LARGE1: variants seen among roughly 807,000 people sequenced by gnomAD.
LARGE1 encodes the protein xylosyl- and glucuronyltransferase LARGE1.
LARGE1 carries 43 observed loss-of-function variants against 87.6 expected under a neutral mutation model. The observed-to-expected ratio is 0.49, with a 90% confidence interval of 0.38 to 0.63. The LOEUF is 0.63. Among genes scored for constraint, LARGE1 ranks in the 30% least tolerant of loss-of-function variants. The probability of loss-of-function intolerance (pLI) is 0.00; values close to 1 mark genes in which losing one functional copy is unlikely to be tolerated. For missense variants in LARGE1, 802 were observed against 1,000.2 expected (o/e 0.80, Z 2.67); for synonymous variants, 434 against 394.6 (o/e 1.10, Z -1.18).
chr22:33,858,767 T>C (rs1419188678), intron 1 of LARGE1, among the ~76,000 whole-genome samples: 2 of 152,152 alleles, frequency 1.3e-5, no homozygotes, highest in Admixed American at 6.5e-5. Flanking sequence ...GCAGCACTAT[T>C]CACAATAGCA....
chr22:33,700,150 T>C (rs1603198692), intron 2 of LARGE1, among the ~76,000 whole-genome samples: 1 of 152,102 alleles, frequency 6.6e-6, no homozygotes, highest in Non-Finnish European at 1.5e-5. Context: ...TCTCAAAGGG[T>C]TGTCCTGGGA....
At chr22:33,094,350 T>G in the LARGE1 span, among the ~76,000 whole-genome samples, 1 of 151,978 alleles carries the variant, frequency 6.6e-6, no homozygotes, top group African/African-American at 2.4e-5. Flanking sequence ...ACCAGGGCCC[T>G]GCCTCCCTTT....
At chr22:33,672,044 C>G (rs2081430771) in intron 2 of LARGE1, among the ~76,000 whole-genome samples, 1 of 152,080 alleles carries the variant, frequency 6.6e-6, no homozygotes, top group Non-Finnish European at 1.5e-5. Flanking sequence ...GCTCTATCAG[C>G]CAATTTATCA....
intron 5 of LARGE1, among the ~76,000 whole-genome samples, chr22:33,573,371 G>C (rs528604511): frequency 7.4e-4 from 112 of 152,210 alleles, no homozygotes; most frequent in African/African-American, 2.6e-3. Context: ...CCCAGGAGGT[G>C]GGGGTTGCAG....
At chr22:33,133,646 G>T in the LARGE1 span, among the ~76,000 whole-genome samples, 2 of 152,180 alleles carry the variant, frequency 1.3e-5, no homozygotes, top group African/African-American at 4.8e-5. Context: ...ACATATGTGT[G>T]CATGTGTCTT....
rs3986017 is a variant in LARGE1 at position 33,574,686 on chromosome 22, TTGTGTGTGTGTGTGTGTGTGTGTGTGTG to T, written c.616-9695_616-9668del. On this transcript the variant is annotated intron_variant, in intron 5 of 14. Transcript: ENST00000397394. ...AACGAAGGCACAGAGATATAAACAATTGTGTGTGTGTGTGTGTGTGTGTGTGTGTGTGTGTGTGTGTGTGTGTGTGTAA... is the reference window on the plus strand; with the variant it reads ...AACGAAGGCACAGAGATATAAACAATTGTGTGTGTGTGTGTGTGTGTGTAA... Among the ~76,000 whole-genome samples, 119 of 144,084 alleles carry T rather than the reference TTGTGTGTGTGTGTGTGTGTGTGTGTGTG, an allele frequency of 8.3e-4. 1 individual carries two copies. The highest frequency in any genetic ancestry group is 2.6e-3 in the African/African-American group (103 of 39,182). 94.5% of individuals were successfully genotyped at this position (144,084 alleles called of 152,430 possible). A position where few individuals can be genotyped will look rare whatever the true frequency, so the allele number is the denominator to read the frequency against.
chr22:33,542,077 C>G lies in LARGE1; in HGVS notation c.787+22771G>C, dbSNP rs563620858. Among the ~76,000 whole-genome samples, 640 of 150,788 alleles carry G rather than the reference C, an allele frequency of 4.2e-3. 4 individuals carry two copies. The highest frequency in any genetic ancestry group is 0.015 in the African/African-American group (605 of 41,102). On this transcript the variant is annotated intron_variant, in intron 6 of 14. Transcript: ENST00000397394. ...CTCAGGAGGCTGAGGCAGGAGAAACCCTTGAACCAAGGAGGTAGAGGTTGC... is the reference window on the plus strand; with the variant it reads ...CTCAGGAGGCTGAGGCAGGAGAAACGCTTGAACCAAGGAGGTAGAGGTTGC...
intron 11 of LARGE1, among the ~76,000 whole-genome samples, chr22:33,199,741 T>C (rs996997411): frequency 3.9e-5 from 6 of 152,252 alleles, no homozygotes; most frequent in East Asian, 1.9e-4. Flanking sequence ...ACCAGTACCA[T>C]GCTGTTTTAG....
chr22:33,754,767 G>A (rs1208486041), intron 2 of LARGE1, among the ~76,000 whole-genome samples: 1 of 152,118 alleles, frequency 6.6e-6, no homozygotes, highest in Non-Finnish European at 1.5e-5. Context: ...TGGACCACTG[G>A]CAGGACAGCA....
chr22:33,740,864 GA>G (rs2149515456), intron 2 of LARGE1, among the ~76,000 whole-genome samples: 1 of 152,286 alleles, frequency 6.6e-6, no homozygotes, highest in South Asian at 2.1e-4. Context: ...AGCTCTGTGT[GA>G]ATTTTCAACT....
At chr22:33,645,477 A>G (rs1446242658) in intron 3 of LARGE1, among the ~76,000 whole-genome samples, 2 of 152,228 alleles carry the variant, frequency 1.3e-5, no homozygotes, top group African/African-American at 4.8e-5. Context: ...TAAGACCTAA[A>G]ACCATAAAAA....
chr22:33,486,409 A>C (rs1375228348), intron 6 of LARGE1, among the ~76,000 whole-genome samples: 1 of 152,186 alleles, frequency 6.6e-6, no homozygotes, highest in African/African-American at 2.4e-5. Context: ...TTTCTCATTA[A>C]GTTTATCAAT....
the LARGE1 span, among the ~76,000 whole-genome samples, chr22:33,114,996 A>G: frequency 1.3e-5 from 2 of 152,150 alleles, no homozygotes; most frequent in African/African-American, 2.4e-5. Context: ...ACCTTGGTCT[A>G]TGTGAAGGGT....
intron 2 of LARGE1, among the ~76,000 whole-genome samples, chr22:33,664,739 CTA>C (rs1306815602): frequency 6.6e-6 from 1 of 152,180 alleles, no homozygotes; most frequent in Non-Finnish European, 1.5e-5. Flanking sequence ...TGGCACATGC[CTA>C]TAGTCTCAGC....
In LARGE1 at chr22:33,525,792, C is replaced by A. The variant is rs1205147326; in HGVS notation, c.787+39056G>T. Among the ~76,000 whole-genome samples, 4 of 152,154 alleles carry A rather than the reference C, an allele frequency of 2.6e-5. No homozygotes were observed. In the East Asian group the frequency reaches 7.7e-4, roughly 29 times the overall value. On this transcript the variant is annotated intron_variant, in intron 6 of 14. Coordinates refer to ENST00000397394, the MANE Select transcript of LARGE1 (RefSeq NM_133642.5). Reference sequence around the variant, plus strand: ...TAGCTGGCATTCAGTGAAGACACAGCGGATTGGTATTCTTAGCATATGAAC... The same window carrying A: ...TAGCTGGCATTCAGTGAAGACACAGAGGATTGGTATTCTTAGCATATGAAC...
intron 5 of LARGE1, among the ~76,000 whole-genome samples, chr22:33,569,970 C>T (rs2078145438): frequency 1.3e-5 from 2 of 152,190 alleles, no homozygotes; most frequent in Non-Finnish European, 2.9e-5. Flanking sequence ...ATATTTTCCT[C>T]ACCTAGGAGC....
chr22:33,546,683 C>A (rs141458234), intron 6 of LARGE1, among the ~76,000 whole-genome samples: 1 of 152,126 alleles, frequency 6.6e-6, no homozygotes, highest in African/African-American at 2.4e-5. Context: ...CTCCTGTGTT[C>A]AAGAAATTCT....
intron 1 of LARGE1, among the ~76,000 whole-genome samples, chr22:33,909,051 T>C (rs1023608394): frequency 2.0e-5 from 3 of 152,128 alleles, no homozygotes; most frequent in East Asian, 1.9e-4. Flanking sequence ...CTGAGCCCAT[T>C]TGAACAAACC....
chr22:33,550,168 CACACACACAT>C lies in LARGE1; in HGVS notation c.787+14670_787+14679del, dbSNP rs1435476681. 2.0e-4 allele frequency among the ~76,000 whole-genome samples: 29 copies of C among 144,890 alleles called. 1 individual carries two copies. Among genetic ancestry groups the C allele is most frequent in the Non-Finnish European group, 2.5e-4 (16 of 65,018 alleles). On this transcript the variant is annotated intron_variant, in intron 6 of 14. Transcript: ENST00000397394. ...ACACACACACACACACACACACACACACACACACATATATATATATGTATGTATGTATATA... is the reference window on the plus strand; with the variant it reads ...ACACACACACACACACACACACACACATATATATATGTATGTATGTATATA...
Sources: allele counts gnomAD v4.1 joint callset (sites outside exome capture counted in the v4.1 genomes callset), GRCh38; gene constraint gnomAD v4.1.1; transcripts MANE v1.5; gene names NCBI Gene and HGNC (gene_info 2026-07-23, HGNC 2026-07-21).